The following RAD54L variants were observed in gnomAD, a reference collection of about 807,000 sequenced individuals.
RAD54L encodes DNA repair and recombination protein RAD54-like.
In RAD54L, 74 loss-of-function variants were observed where a neutral mutation model predicts 91.6. That is an observed-to-expected ratio of 0.81 (90% CI 0.67 to 0.98). RAD54L has a LOEUF of 0.98. Ranked by LOEUF, RAD54L falls within the 50% of genes least tolerant of loss-of-function variation. The pLI is 0.00. For missense variants in RAD54L, 887 were observed against 945.7 expected (o/e 0.94, Z 0.81); for synonymous variants, 304 against 349.7 (o/e 0.87, Z 1.46).
chr1:46,250,319 A>G (rs1453734352), intron 3 of RAD54L, among the ~76,000 whole-genome samples, 200 bp downstream of exon 3: 4 of 152,156 alleles, frequency 2.6e-5, no homozygotes, highest in Non-Finnish European at 4.4e-5. Context: ...TAGTAGCTAC[A>G]TGGGCACCAG....
chr1:46,277,864 G>A lies in RAD54L; in HGVS notation c.1917G>A (p.Lys639=). ...EKIFQRQSHK[K]ALSSCVVDEE... is the part of the protein sequence containing the mutation. ...TCTTCCAGCGTCAGAGCCACAAGAA[G>A]GCACTGAGCAGCTGTGTGGTGGATG... The change falls in exon 17 of 18, where the codon AAG becomes AAA. Residue 639 remains lysine (K), a synonymous_variant. Transcript: ENST00000371975. 6.2e-7 allele frequency: 1 copy of A among 1,613,558 alleles called. No individual in the cohort carries two copies.
chr1:46,256,526 G>A (rs775216337), intron 3 of RAD54L, among the ~76,000 whole-genome samples: 3 of 149,078 alleles, frequency 2.0e-5, no homozygotes, highest in Non-Finnish European at 4.5e-5. Context: ...AAGATCCCTT[G>A]AGCCAGGACT....
chr1:46,255,186 A>C (rs1659907896), intron 3 of RAD54L, among the ~76,000 whole-genome samples: 1 of 152,152 alleles, frequency 6.6e-6, no homozygotes, highest in South Asian at 2.1e-4. Flanking sequence ...AGAGATAAGC[A>C]ATCAAATGAA....
chr1:46,272,322 C>T (rs1356399986), intron 10 of RAD54L, 144 bp from the exon 11 acceptor site: 6 of 770,868 alleles, frequency 7.8e-6, no homozygotes, highest in Admixed American at 2.0e-5. Flanking sequence ...GGATTACTGG[C>T]GTGAGCCACT....
intron 16 of RAD54L, 26 bp from the exon 17 acceptor site, chr1:46,277,791 G>A (rs773102876): frequency 6.3e-7 from 1 of 1,585,436 alleles, no homozygotes; most frequent in Non-Finnish European, 8.7e-7. Context: ...TGTATCTTTT[G>A]ACATTCCCCA....
At chr1:46,255,981 C>T (rs1659929499) in intron 3 of RAD54L, among the ~76,000 whole-genome samples, 1 of 152,134 alleles carries the variant, frequency 6.6e-6, no homozygotes, top group South Asian at 2.1e-4. Flanking sequence ...ATCTAGCCTT[C>T]TATACTGATA....
In RAD54L at chr1:46,274,828, A is replaced by G. The variant is rs75959881; in HGVS notation, c.1869+111A>G. On this transcript the variant is annotated intron_variant, in intron 16 of 17. Transcript: ENST00000371975. Reference sequence around the variant, plus strand: ...GCCTTTCTGCCTCTAGCAGTAGCCAAGCTATGGGCCCAGAAGTGAGTCTTT... The same window carrying G: ...GCCTTTCTGCCTCTAGCAGTAGCCAGGCTATGGGCCCAGAAGTGAGTCTTT... The G allele has an allele frequency of 5.9e-3, 7,501 of 1,273,960 alleles. 33 individuals are homozygous for G. The highest frequency in any genetic ancestry group is 6.3e-3 in the Non-Finnish European group (5,527 of 881,116). 78.9% of individuals were successfully genotyped at this position (1,273,960 alleles called of 1,614,324 possible).
chr1:46,253,088 C>T (rs372444679), intron 3 of RAD54L, among the ~76,000 whole-genome samples: 11 of 151,906 alleles, frequency 7.2e-5, no homozygotes, highest in Admixed American at 5.3e-4. Context: ...AAAATACTTG[C>T]GTATAGGAAA....
intron 14 of RAD54L, 88 bp downstream of exon 14, chr1:46,273,835 AT>A: frequency 6.6e-7 from 1 of 1,524,314 alleles, no homozygotes; most frequent in Non-Finnish European, 8.9e-7. Flanking sequence ...GTGGGCCAAG[AT>A]CTGGGCACAT....
At chr1:46,270,571 G>A in intron 9 of RAD54L, 88 bp from the exon 10 acceptor site, 1 of 1,560,072 alleles carries the variant, frequency 6.4e-7, no homozygotes, top group Non-Finnish European at 8.8e-7. Flanking sequence ...AGGAAGGCTG[G>A]TTTGTGAGAA....
chr1:46,272,644 T>C (rs1377338206), intron 11 of RAD54L, 28 bp from the exon 12 acceptor site: 1 of 1,614,128 alleles, frequency 6.2e-7, no homozygotes, highest in Non-Finnish European at 8.5e-7. Context: ...GGTCTAGCTT[T>C]TTCCACTGAC....
At position 46,248,249 on chromosome 1, in the gene RAD54L, G is replaced by A; in HGVS notation, c.-157G>A. The A allele has an allele frequency of 2.1e-6, 2 of 956,016 alleles. No homozygotes were observed. The highest frequency in any genetic ancestry group is 2.8e-5 in the South Asian group (2 of 71,622). 59.2% of individuals were successfully genotyped at this position (956,016 alleles called of 1,614,324 possible). ...GGTTCCAAACACCAGTTCCTGGATG[G>A]ATTCCCGCCATCCATGCCCCCTCTT... On this transcript the variant is annotated 5_prime_UTR_variant, in exon 1 of 18. Transcript: ENST00000371975.
chr1:46,268,616 G>A (rs921858642), intron 9 of RAD54L, among the ~76,000 whole-genome samples: 1 of 152,168 alleles, frequency 6.6e-6, no homozygotes, highest in Non-Finnish European at 1.5e-5. Context: ...TTGAATTTAT[G>A]TTAATGAAAT....
intron 9 of RAD54L, 89 bp from the exon 10 acceptor site, chr1:46,270,570 G>A: frequency 6.5e-7 from 1 of 1,548,970 alleles, no homozygotes. Flanking sequence ...TAGGAAGGCT[G>A]GTTTGTGAGA....
chr1:46,262,532 C>T (rs1165748626), intron 8 of RAD54L, among the ~76,000 whole-genome samples: 3 of 152,012 alleles, frequency 2.0e-5, no homozygotes, highest in African/African-American at 7.2e-5. Context: ...GAGGAGCCAT[C>T]AGTTATGCAT....
At chr1:46,262,397 ACT>A (rs1031059020) in intron 8 of RAD54L, among the ~76,000 whole-genome samples, 9 of 152,092 alleles carry the variant, frequency 5.9e-5, no homozygotes, top group East Asian at 1.9e-4. Flanking sequence ...ACAGAGCAAG[ACT>A]CTGTCTCAAA....
At chr1:46,274,261 A>G in intron 15 of RAD54L, 45 bp downstream of exon 15, 1 of 1,548,766 alleles carries the variant, frequency 6.5e-7, no homozygotes, top group Non-Finnish European at 8.9e-7. Flanking sequence ...CAGTATCATC[A>G]GAATTAAGGA....
intron 3 of RAD54L, among the ~76,000 whole-genome samples, chr1:46,257,024 G>A (rs1463636379): frequency 2.0e-5 from 3 of 151,040 alleles, no homozygotes; most frequent in Admixed American, 6.6e-5. Context: ...TGTGCCTGTA[G>A]TCCCAGCTAC....
chr1:46,269,750 C>T (rs191025197), intron 9 of RAD54L, among the ~76,000 whole-genome samples: 2 of 152,262 alleles, frequency 1.3e-5, no homozygotes, highest in South Asian at 2.1e-4. Context: ...TTTTATAATA[C>T]GGAACCTTCC....
Sources: gnomAD v4.1 joint callset for allele counts (sites outside exome capture counted in the v4.1 genomes callset) on GRCh38, gnomAD v4.1.1 for gene constraint, MANE v1.5 for transcripts, NCBI Gene and HGNC (gene_info 2026-07-23, HGNC 2026-07-21) for gene names.